KIFC3: variants seen among roughly 807,000 people sequenced by gnomAD.
KIFC3 encodes the protein kinesin-like protein KIFC3.
KIFC3 carries 60 observed loss-of-function variants against 101.8 expected under a neutral mutation model. The observed-to-expected ratio is 0.59, with a 90% CI of 0.48 to 0.73. The LOEUF is 0.73. KIFC3 is among the 30% of genes least tolerant of loss of function. The pLI is 0.00. For synonymous variants in KIFC3, 476 were observed against 482.7 expected (o/e 0.99, Z 0.18); for missense variants, 966 against 1,137.1 (o/e 0.85, Z 2.16).
chr16:57,832,041 G>A (rs534754857), intron 1 of KIFC3, among the ~76,000 whole-genome samples: 21 of 151,368 alleles, frequency 1.4e-4, no homozygotes, highest in African/African-American at 4.9e-4. Flanking sequence ...TTTTTTTTAA[G>A]ACAGAGTCTC....
At chr16:57,813,792 G>C in intron 1 of KIFC3, 1 of 985,318 alleles carries the variant, frequency 1.0e-6, no homozygotes, top group Non-Finnish European at 1.2e-6. Context: ...CCGGGGACTC[G>C]GGAGACTCAA....
intron 1 of KIFC3, among the ~76,000 whole-genome samples, chr16:57,835,873 C>T (rs1231268636): frequency 6.6e-6 from 1 of 152,138 alleles, no homozygotes; most frequent in Non-Finnish European, 1.5e-5. Flanking sequence ...TGGCTTGAAC[C>T]CAGGAGGCAG....
At chr16:57,764,419 CAGT>C in intron 11 of KIFC3, 172 bp from the exon 12 acceptor site, 1 of 589,068 alleles carries the variant, frequency 1.7e-6, no homozygotes, top group Non-Finnish European at 3.1e-6. Flanking sequence ...ATACATTAGA[CAGT>C]AGTGGGCAAC....
intron 18 of KIFC3, 52 bp downstream of exon 18, chr16:57,759,676 G>T: frequency 1.5e-6 from 2 of 1,376,094 alleles, no homozygotes; most frequent in South Asian, 2.5e-5. Context: ...GGGCAGCCTG[G>T]TGACTATTAC....
intron 3 of KIFC3, among the ~76,000 whole-genome samples, chr16:57,793,524 C>T (rs1379361897): frequency 2.0e-5 from 3 of 149,932 alleles, no homozygotes; most frequent in Admixed American, 6.7e-5. Flanking sequence ...ATCCGGGAGG[C>T]GGAGGCTGCA....
chr16:57,844,142 G>C (rs1269379019), intron 1 of KIFC3, among the ~76,000 whole-genome samples: 1 of 150,186 alleles, frequency 6.7e-6, no homozygotes, highest in Non-Finnish European at 1.5e-5. Context: ...TTGATCTAAA[G>C]GCAGCGTAGG....
Position 57,766,990 on chromosome 16 carries a change from T to TG in KIFC3, c.1219-6dup. The TG allele has an allele frequency of 1.2e-6, 2 of 1,611,078 alleles. No homozygotes were observed. ...CTCCTCGATGGCCTGGCCTATCTGGTGGGGGGTGCACACCACTGTCAGGGG... is the reference window on the plus strand; with the variant it reads ...CTCCTCGATGGCCTGGCCTATCTGGTGGGGGGGTGCACACCACTGTCAGGGG... On this transcript the variant is annotated splice_region_variant and splice_polypyrimidine_tract_variant and intron_variant, in intron 9 of 19. Coordinates refer to ENST00000445690, the MANE Select transcript of KIFC3 (RefSeq NM_001130100.2).
At chr16:57,852,039 C>A (rs186406781) in intron 1 of KIFC3, among the ~76,000 whole-genome samples, 2 of 152,120 alleles carry the variant, frequency 1.3e-5, no homozygotes, top group Non-Finnish European at 2.9e-5. Context: ...CCACACCCAG[C>A]TCATTCTTTC....
chr16:57,827,130 A>AGAC (rs1568091414), intron 1 of KIFC3, among the ~76,000 whole-genome samples: 2 of 152,254 alleles, frequency 1.3e-5, no homozygotes, highest in Non-Finnish European at 2.9e-5. Flanking sequence ...GTCATCTCTC[A>AGAC]TTCAGGGTCC....
chr16:57,797,346 C>T (rs1306321968), intron 2 of KIFC3, among the ~76,000 whole-genome samples: 4 of 152,232 alleles, frequency 2.6e-5, no homozygotes, highest in African/African-American at 9.6e-5. Flanking sequence ...ACCAGGGCGA[C>T]CTGCCCACGC....
Position 57,764,353 on chromosome 16 carries a change from C to T in KIFC3, c.1513-106G>A, listed in dbSNP as rs1306923611. On this transcript the variant is annotated intron_variant, in intron 11 of 19. Transcript: ENST00000445690. ...CCAACCATGCTGTCCTTCAGCAACA[C>T]CACATCACGTGTTACTGCAGTCACT... The T allele has an allele frequency of 2.4e-5, 16 of 660,784 alleles. No individual in the cohort carries two copies. The African/African-American group carries it at 2.8e-4, about 12-fold the overall frequency. 40.9% of individuals were successfully genotyped at this position (660,784 alleles called of 1,614,324 possible).
chr16:57,819,545 A>AT (rs1410443416), intron 1 of KIFC3, among the ~76,000 whole-genome samples: 4 of 152,088 alleles, frequency 2.6e-5, no homozygotes, highest in African/African-American at 9.6e-5. Flanking sequence ...TTTATTTTTT[A>AT]TTTTTTTAAA....
intron 3 of KIFC3, chr16:57,785,548 T>C (rs1318334395): frequency 1.3e-5 from 17 of 1,288,590 alleles, no homozygotes; most frequent in Non-Finnish European, 1.6e-5. Context: ...GCTCCTCCTG[T>C]AGCTGGGTCT....
chr16:57,789,031 G>C (rs2053615604), intron 3 of KIFC3, among the ~76,000 whole-genome samples: 1 of 152,244 alleles, frequency 6.6e-6, no homozygotes. Flanking sequence ...AGAGTCACCA[G>C]CACAGAGGCT....
rs539215225 is a variant in KIFC3, at chr16:57,811,129, G to T, written c.109-12847C>A. The stretch of plus-strand genomic sequence containing the variant: ...AGGAGCATCCCACCTCAGTACCTGG[G>T]GTTGGCTTCACTGTTCACAGTTGCT... On this transcript the variant is annotated intron_variant, in intron 1 of 2. Transcript: ENST00000563028. 5.3e-4 allele frequency among the ~76,000 whole-genome samples: 80 copies of T among 152,292 alleles called. 1 individual carries two copies. In the South Asian group the frequency reaches 0.013, roughly 24 times the overall value.
intron 3 of KIFC3, chr16:57,774,309 T>C (rs2051719508): frequency 6.6e-6 from 1 of 151,984 alleles, no homozygotes; most frequent in Non-Finnish European, 1.5e-5. Context: ...CTTAGAGGAG[T>C]GGGCAGGTGA....
chr16:57,852,548 C>T (rs976571195), intron 1 of KIFC3, among the ~76,000 whole-genome samples: 69 of 152,264 alleles, frequency 4.5e-4, no homozygotes, highest in African/African-American at 1.5e-3. Flanking sequence ...TAACACCTTT[C>T]GTCTACTGTT....
chr16:57,821,341 G>A (rs533131893), intron 1 of KIFC3, among the ~76,000 whole-genome samples: 1 of 152,254 alleles, frequency 6.6e-6, no homozygotes, highest in South Asian at 2.1e-4. Context: ...CTTGCGAAAG[G>A]ATGTTCTGTC....
In KIFC3 at chr16:57,758,696, G is replaced by A. The variant is rs566453178; in HGVS notation, c.*238C>T. 3 of 738,138 alleles carry A rather than the reference G, an allele frequency of 4.1e-6. No individual in the cohort carries two copies. The highest frequency in any genetic ancestry group is 1.7e-5 in the African/African-American group (1 of 58,054). 45.7% of individuals were successfully genotyped at this position (738,138 alleles called of 1,614,324 possible). A position where few individuals can be genotyped will look rare whatever the true frequency, so the allele number is the denominator to read the frequency against. On this transcript the variant is annotated 3_prime_UTR_variant, in exon 20 of 20. Coordinates refer to ENST00000445690, the MANE Select transcript of KIFC3 (RefSeq NM_001130100.2). ...GAAGAGCAGCCACCCCCGCCTTTCC[G>A]CCCATGCAATTTGCACTCAGAGCCA...
Sources: gnomAD v4.1 joint callset for allele counts (sites outside exome capture counted in the v4.1 genomes callset) on GRCh38, gnomAD v4.1.1 for gene constraint, MANE v1.5 for transcripts, NCBI Gene and HGNC (gene_info 2026-07-23, HGNC 2026-07-21) for gene names.